Variants in ELP4 observed in about 807,000 individuals in gnomAD.
ELP4 encodes the protein elongator complex protein 4.
In ELP4, 51 loss-of-function variants were observed where a neutral mutation model predicts 48.9. That is an observed-to-expected ratio of 1.04 (90% CI 0.83 to 1.32). The LOEUF (loss-of-function observed/expected upper bound fraction) is 1.32. Ranked by LOEUF, ELP4 falls within the 40% of genes most tolerant of loss-of-function variation. The probability of loss-of-function intolerance (pLI) is 0.00; values close to 1 mark genes in which losing one functional copy is unlikely to be tolerated. For synonymous variants in ELP4, 210 were observed against 189.2 expected (o/e 1.11, Z -0.90); for missense variants, 519 against 514.6 (o/e 1.01, Z -0.08).
chr11:31,629,312 T>G (rs779932910), intron 6 of ELP4, among the ~76,000 whole-genome samples: 6 of 152,022 alleles, frequency 3.9e-5, no homozygotes, highest in Admixed American at 6.6e-5. Flanking sequence ...TTTAATCTTA[T>G]GCCACACAGT....
chr11:31,558,474 A>C (rs1956963592), intron 3 of ELP4, among the ~76,000 whole-genome samples: 1 of 152,178 alleles, frequency 6.6e-6, no homozygotes, highest in South Asian at 2.1e-4. Flanking sequence ...CAATCAACAA[A>C]AGGAATTTTG....
At chr11:31,762,801 T>G (rs1175003026) in intron 9 of ELP4, among the ~76,000 whole-genome samples, 1 of 151,644 alleles carries the variant, frequency 6.6e-6, no homozygotes, top group Non-Finnish European at 1.5e-5. Flanking sequence ...GCTATTTAGC[T>G]CTAAAAGTAC....
chr11:31,578,302 A>G (rs1330573291), intron 3 of ELP4, among the ~76,000 whole-genome samples: 1 of 152,244 alleles, frequency 6.6e-6, no homozygotes, highest in Non-Finnish European at 1.5e-5. Flanking sequence ...ATACAAACAA[A>G]TGGAAGAACA....
intron 9 of ELP4, among the ~76,000 whole-genome samples, chr11:31,740,369 C>T (rs920669767): frequency 2.6e-5 from 4 of 152,220 alleles, no homozygotes; most frequent in Admixed American, 6.5e-5. Context: ...ATCATTTAAA[C>T]AACATAAGTC....
At chr11:31,611,396 T>C (rs1487678796) in intron 5 of ELP4, among the ~76,000 whole-genome samples, 1 of 152,196 alleles carries the variant, frequency 6.6e-6, no homozygotes, top group African/African-American at 2.4e-5. Context: ...CTCTTATCAC[T>C]ACTCTGCATC....
chr11:31,588,433 T>C (rs1211129374), intron 3 of ELP4, among the ~76,000 whole-genome samples: 1 of 152,168 alleles, frequency 6.6e-6, no homozygotes, highest in Non-Finnish European at 1.5e-5. Context: ...AGACTTCCAG[T>C]TTCTCTGGTC....
At chr11:31,513,416 T>C (rs968442901) in intron 1 of ELP4, among the ~76,000 whole-genome samples, 1 of 152,230 alleles carries the variant, frequency 6.6e-6, no homozygotes, top group Non-Finnish European at 1.5e-5. Context: ...CCAGCATTAA[T>C]TAAGTAGTTA....
At chr11:31,722,539 G>C (rs1946986203) in intron 9 of ELP4, among the ~76,000 whole-genome samples, 1 of 152,166 alleles carries the variant, frequency 6.6e-6, no homozygotes, top group African/African-American at 2.4e-5. Context: ...CTTGCAGACA[G>C]AATGACTACA....
intron 5 of ELP4, among the ~76,000 whole-genome samples, chr11:31,622,177 A>AT (rs1256397403): frequency 6.6e-6 from 1 of 151,778 alleles, no homozygotes; most frequent in Non-Finnish European, 1.5e-5. Context: ...CTATGTATAG[A>AT]TTTTTCACTT....
At chr11:31,580,891 C>A (rs1463437669) in intron 3 of ELP4, 1 of 152,118 alleles carries the variant, frequency 6.6e-6, no homozygotes, top group Non-Finnish European at 1.5e-5. Flanking sequence ...CTATCACTTT[C>A]TTTATTTCCC....
Position 31,789,912 on chromosome 11 carries a change from CT to C in ELP4, c.*6411del, listed in dbSNP as rs759391101. The C allele has an allele frequency of 0.21, 214,924 of 1,034,650 alleles. 1,896 individuals carry two copies. Among genetic ancestry groups the C allele is most frequent in the Non-Finnish European group, 0.22 (161,645 of 719,230 alleles). The allele number at this position is 1,034,650 out of a possible 1,614,324, so 64.1% of individuals were successfully genotyped here. On this transcript the variant is annotated 3_prime_UTR_variant, in exon 10 of 10. Transcript: ENST00000640961. The stretch of plus-strand genomic sequence containing the variant: ...CTGAATTAACACAATATTTCCTTTC[CT>C]TTTTTTTTTTTTTTTTTTTTTTACT...
intron 9 of ELP4, among the ~76,000 whole-genome samples, chr11:31,681,379 G>A (rs1216627284): frequency 9.9e-5 from 15 of 152,170 alleles, no homozygotes; most frequent in Admixed American, 9.8e-4. Flanking sequence ...TCACAGTAAA[G>A]TATGCTTAGT....
intron 3 of ELP4, among the ~76,000 whole-genome samples, chr11:31,578,235 G>C (rs1478220550): frequency 6.6e-6 from 1 of 152,084 alleles, no homozygotes; most frequent in Non-Finnish European, 1.5e-5. Context: ...ACCTTACAAG[G>C]GATGTGAAGG....
chr11:31,637,022 CTAAGT>C (rs1294619170), intron 7 of ELP4, among the ~76,000 whole-genome samples: 5 of 151,760 alleles, frequency 3.3e-5, no homozygotes, highest in East Asian at 1.9e-4. Flanking sequence ...GTGAAAATGG[CTAAGT>C]TAAGTACAGA....
At chr11:31,738,573 A>C (rs1399391051) in intron 9 of ELP4, among the ~76,000 whole-genome samples, 2 of 152,002 alleles carry the variant, frequency 1.3e-5, no homozygotes, top group Admixed American at 1.3e-4. Flanking sequence ...CCATCTCTAC[A>C]AAAAATACAA....
chr11:31,610,364 T>C (rs946848346), intron 5 of ELP4, among the ~76,000 whole-genome samples: 1 of 152,072 alleles, frequency 6.6e-6, no homozygotes, highest in Non-Finnish European at 1.5e-5. Flanking sequence ...ACTTACTTTA[T>C]TTTCAACTTT....
At chr11:31,608,960 TCAG>T (rs1026625785) in intron 5 of ELP4, among the ~76,000 whole-genome samples, 1 of 152,124 alleles carries the variant, frequency 6.6e-6, no homozygotes, top group African/African-American at 2.4e-5. Flanking sequence ...CTGTCAGTCT[TCAG>T]CAGCAGGGCC....
chr11:31,520,786 A>G (rs1452381244), intron 2 of ELP4, among the ~76,000 whole-genome samples: 2 of 152,042 alleles, frequency 1.3e-5, no homozygotes, highest in African/African-American at 4.8e-5. Flanking sequence ...TTTCATCTCA[A>G]ATATTCTCCA....
chr11:31,518,616 G>A (rs1342841939), intron 1 of ELP4, among the ~76,000 whole-genome samples: 1 of 151,044 alleles, frequency 6.6e-6, no homozygotes, highest in African/African-American at 2.4e-5. Context: ...CGTGTCTCAG[G>A]CTGGGCACGG....
Sources: gnomAD v4.1 joint callset for allele counts (sites outside exome capture counted in the v4.1 genomes callset) on GRCh38, gnomAD v4.1.1 for gene constraint, MANE v1.5 for transcripts, NCBI Gene and HGNC (gene_info 2026-07-23, HGNC 2026-07-21) for gene names.